Variants in SPATA31C1 observed in about 807,000 individuals in gnomAD.
The protein encoded by SPATA31C1 is SPATA31 subfamily C member 1.
chr9:87,915,822 TGTAAAAA>T (rs1564137068), intron 1 of SPATA31C1, among the ~76,000 whole-genome samples: 1 of 145,584 alleles, frequency 6.9e-6, no homozygotes, highest in East Asian at 2.1e-4. Flanking sequence ...TCTGTAGCTA[TGTAAAAA>T]GTTAAAAAAT....
Sources: allele counts gnomAD v4.1 joint callset (sites outside exome capture counted in the v4.1 genomes callset), GRCh38; gene constraint gnomAD v4.1.1; transcripts MANE v1.5; gene names NCBI Gene and HGNC (gene_info 2026-07-23, HGNC 2026-07-21).